Variants in PIGA observed in about 807,000 individuals in gnomAD.
PIGA encodes the protein phosphatidylinositol N-acetylglucosaminyltransferase subunit A.
A neutral mutation model predicts 17.1 loss-of-function variants in PIGA; 3 were observed. The ratio of observed to expected loss-of-function variants is 0.18; its 90% CI spans 0.08 to 0.45. PIGA has a LOEUF of 0.45. Ranked by LOEUF, PIGA falls within the 20% of genes least tolerant of loss-of-function variation. The probability of loss-of-function intolerance (pLI) is 0.99; values close to 1 mark genes in which losing one functional copy is unlikely to be tolerated. For synonymous variants in PIGA, 126 were observed against 135.1 expected (o/e 0.93, Z 0.47); for missense variants, 231 against 374.1 (o/e 0.62, Z 3.16).
chrX:15,330,536 T>C (rs1209329785), intron 2 of PIGA, among the ~76,000 whole-genome samples: 1 of 112,490 alleles, frequency 8.9e-6, no homozygotes, highest in African/African-American at 3.2e-5. Flanking sequence ...TTCCAAAATA[T>C]CTGCAATGAA....
rs1269708211 is a variant in PIGA at position 15,319,783 on chromosome X, A to C, written c.*1723T>G. 4.4e-5 allele frequency: 5 copies of C among 112,552 alleles called. No individual in the cohort carries two copies. The highest frequency in any genetic ancestry group is 9.4e-5 in the Non-Finnish European group (5 of 53,313). 9.3% of individuals were successfully genotyped at this position (112,552 alleles called of 1,213,427 possible). Reference sequence around the variant, plus strand: ...ACATGTTTTACAGGCAAAGGCAACTAACTTTAGATCTTATTTCCATCTCAA... The same window carrying C: ...ACATGTTTTACAGGCAAAGGCAACTCACTTTAGATCTTATTTCCATCTCAA... On this transcript the variant is annotated 3_prime_UTR_variant, in exon 6 of 6. Transcript: ENST00000333590.
chrX:15,335,230 A>G, intron 1 of PIGA: 1 of 291,622 alleles, frequency 3.4e-6, no homozygotes, highest in Non-Finnish European at 6.0e-6. Context: ...GAGAGAAAGA[A>G]AACAACCAAA....
chrX:15,330,605 C>T (rs1176555490), intron 2 of PIGA, among the ~76,000 whole-genome samples: 1 of 108,571 alleles, frequency 9.2e-6, no homozygotes, highest in Non-Finnish European at 1.9e-5. Context: ...CCCTTTACTT[C>T]TTTTTTTTTT....
chrX:15,329,400 A>G (rs1018202527), intron 2 of PIGA, among the ~76,000 whole-genome samples: 3 of 111,592 alleles, frequency 2.7e-5, no homozygotes, highest in East Asian at 5.6e-4. Flanking sequence ...CTCCTGAAGC[A>G]TATCAGTTCA....
chrX:15,326,209 G>A, intron 2 of PIGA, 163 bp from the exon 3 acceptor site: 1 of 342,915 alleles, frequency 2.9e-6, no homozygotes, highest in Non-Finnish European at 5.1e-6. Context: ...TTTGCAAACT[G>A]GCAGTGGTCC....
intron 1 of PIGA, among the ~76,000 whole-genome samples, chrX:15,332,925 G>A (rs1234113364): frequency 8.9e-6 from 1 of 112,046 alleles, no homozygotes; most frequent in Non-Finnish European, 1.9e-5. Context: ...CCACCCAGCT[G>A]AGCCTAGCTC....
chrX:15,335,197 T>A (rs1922298014), intron 1 of PIGA, among the ~76,000 whole-genome samples: 1 of 112,503 alleles, frequency 8.9e-6, no homozygotes, highest in East Asian at 2.8e-4. Flanking sequence ...GCTGGGTTCA[T>A]GGCGGGGATG....
chrX:15,333,638 G>A (rs1922235269), intron 1 of PIGA, among the ~76,000 whole-genome samples: 2 of 112,213 alleles, frequency 1.8e-5, no homozygotes, highest in Non-Finnish European at 3.8e-5. Context: ...CCGAGATCGC[G>A]CCGCTGCACT....
At chrX:15,332,617 C>T (rs1922201491) in intron 1 of PIGA, among the ~76,000 whole-genome samples, 1 of 112,297 alleles carries the variant, frequency 8.9e-6, no homozygotes, top group South Asian at 3.6e-4. Flanking sequence ...AGTCCCTTCC[C>T]GTTGCATTTG....
chrX:15,321,857 G>T, intron 5 of PIGA, 85 bp from the exon 6 acceptor site: 1 of 890,176 alleles, frequency 1.1e-6, no homozygotes, highest in South Asian at 2.4e-5. Context: ...GATCCTGCAG[G>T]AACATTTTAT....
rs1283056919 is a variant in PIGA, at chrX:15,321,507, T to C, written c.1454A>G (p.Ter485TrpextTer4). The C allele has an allele frequency of 3.3e-6, 4 of 1,199,100 alleles. No individual in the cohort carries two copies. The highest frequency in any genetic ancestry group is 4.5e-6 in the Non-Finnish European group (4 of 883,990). The stretch of plus-strand genomic sequence containing the variant: ...AAATCTTACAATCTAGGCTTCCTTC[T>C]ACCTGGTTTCAGATATCTCATTATT... ...GENNEISETR[*>W] Residue 485 changes from the stop codon to tryptophan (W), a stop_lost, in exon 6 of 6, where the codon TAG (stop) becomes TGG (tryptophan). Transcript: ENST00000333590.
intron 2 of PIGA, 72 bp downstream of exon 2, chrX:15,331,144 T>G: frequency 1.5e-6 from 1 of 666,545 alleles, no homozygotes; most frequent in Non-Finnish European, 2.3e-6. Flanking sequence ...AAACAATCAT[T>G]ATATACAAGT....
rs1232799979 is a variant in PIGA at position 15,322,872 on chromosome X, A to G, written c.1189-1100T>C. ...TCCTAAATAGCACAGTTAAACTAAG[A>G]AGGAGGAGTTGAAATGAATTAAAAT... On this transcript the variant is annotated intron_variant, in intron 5 of 5. Coordinates refer to ENST00000333590, the MANE Select transcript of PIGA (RefSeq NM_002641.4). Among the ~76,000 whole-genome samples, 4 of 112,214 alleles carry G rather than the reference A, an allele frequency of 3.6e-5. No individual in the cohort carries two copies. In the Admixed American group the frequency reaches 3.8e-4, roughly 11 times the overall value.
chrX:15,335,525 T>A (rs1922314168), upstream of PIGA: 5 of 969,657 alleles, frequency 5.2e-6, no homozygotes, highest in African/African-American at 2.0e-5. Context: ...GCCGCCAGTG[T>A]CCGGACCTCC....
At chrX:15,330,218 G>C (rs1451169399) in intron 2 of PIGA, among the ~76,000 whole-genome samples, 3 of 111,994 alleles carry the variant, frequency 2.7e-5, no homozygotes, top group African/African-American at 9.8e-5. Flanking sequence ...TGAAAAAACT[G>C]AGACTTAGAG....
rs1921736215 is a variant in PIGA, at chrX:15,319,619, G to A, written c.*1887C>T. On this transcript the variant is annotated 3_prime_UTR_variant, in exon 6 of 6. Coordinates refer to ENST00000333590, the MANE Select transcript of PIGA (RefSeq NM_002641.4). The stretch of plus-strand genomic sequence containing the variant: ...TTAAAATCAACTAAGTAGCAGGGTA[G>A]AGCAATGTGTTTCCATATACCGACC... The A allele has an allele frequency of 1.8e-5, 2 of 111,852 alleles. No homozygotes were observed. Among genetic ancestry groups the A allele is most frequent in the South Asian group, 7.4e-4 (2 of 2,711 alleles). The allele number at this position is 111,852 out of a possible 1,213,427, so 9.2% of individuals were successfully genotyped here.
At chrX:15,326,998 C>T (rs746921714) in intron 2 of PIGA, 3 of 111,716 alleles carry the variant, frequency 2.7e-5, no homozygotes, top group Non-Finnish European at 5.6e-5. Flanking sequence ...CGCCTGTAAT[C>T]CCAGTAATCC....
At chrX:15,327,903 G>T (rs1260990764) in intron 2 of PIGA, 1 of 111,510 alleles carries the variant, frequency 9.0e-6, no homozygotes, top group Non-Finnish European at 1.9e-5. Context: ...TATTACCAAT[G>T]ATCTATATTC....
chrX:15,331,632 T>A lies in PIGA; in HGVS notation c.299A>T (p.Gln100Leu). 8.3e-7 allele frequency: 1 copy of A among 1,211,654 alleles called. No individual in the cohort carries two copies. The highest frequency in any genetic ancestry group is 1.1e-6 in the Non-Finnish European group (1 of 895,308). Reference sequence around the variant, plus strand: ...GTGAAAGAGGGTCGTGGCTGTAGACTGGTTGTACATGACTTTCAGAGGCAA... The same window carrying A: ...GTGAAAGAGGGTCGTGGCTGTAGACAGGTTGTACATGACTTTCAGAGGCAA... The part of the protein sequence containing the change: ...YYLPLKVMYN[Q>L]STATTLFHSL... The change falls in exon 2 of 6, where the codon CAG becomes CTG. Residue 100 changes from glutamine (Q) to leucine (L), a missense_variant. Physicochemically the swap from Gln to Leu is moderately radical, Grantham distance 113. Around this residue, in one of 5 missense-constraint regions of PIGA, gnomAD observed 29 missense variants for 36.6 expected, o/e 0.79. Coordinates refer to ENST00000333590, the MANE Select transcript of PIGA (RefSeq NM_002641.4).
Sources: gnomAD v4.1 joint callset for allele counts (sites outside exome capture counted in the v4.1 genomes callset) on GRCh38, gnomAD v4.1.1 for gene constraint, gnomAD v4.1.1 regional missense constraint, MANE v1.5 for transcripts, NCBI Gene and HGNC (gene_info 2026-07-23, HGNC 2026-07-21) for gene names.